ADAM22: variants seen among roughly 807,000 people sequenced by gnomAD.
ADAM22 encodes the protein ADAM metallopeptidase domain 22.
A neutral mutation model predicts 144.6 loss-of-function variants in ADAM22; 65 were observed. The ratio of observed to expected loss-of-function variants is 0.45; its 90% CI spans 0.37 to 0.55. The LOEUF is 0.55. ADAM22 is among the 20% of genes least tolerant of loss of function. The pLI is 0.00. For synonymous variants in ADAM22, 391 were observed against 412.6 expected, an observed-to-expected ratio of 0.95 and a Z score of 0.63; for missense variants, 974 against 1,184.9, an observed-to-expected ratio of 0.82 and a Z score of 2.61.
At chr7:88,007,303 C>A (rs965773637) in intron 3 of ADAM22, among the ~76,000 whole-genome samples, 1 of 152,020 alleles carries the variant, frequency 6.6e-6, no homozygotes, top group Non-Finnish European at 1.5e-5. Flanking sequence ...GAATCAATAT[C>A]GTGAAAATGG....
intron 4 of ADAM22, among the ~76,000 whole-genome samples, chr7:88,102,019 C>G (rs11767113): frequency 0.24 from 36,936 of 152,126 alleles, 5,668 homozygotes; most frequent in South Asian, 0.39. Context: ...GCAGGCATAC[C>G]TGGGTGTGGA....
chr7:87,957,321 T>G (rs1042751371), intron 2 of ADAM22, among the ~76,000 whole-genome samples: 28 of 152,334 alleles, frequency 1.8e-4, no homozygotes, highest in African/African-American at 6.5e-4. Flanking sequence ...CTTGTAAAAC[T>G]TTCTTCAGTT....
chr7:87,978,879 TCTGGTA>T (rs1379614610), intron 3 of ADAM22, among the ~76,000 whole-genome samples: 2 of 151,934 alleles, frequency 1.3e-5, no homozygotes, highest in Non-Finnish European at 2.9e-5. Flanking sequence ...CTGTGAGGTT[TCTGGTA>T]CTGGGATTAT....
intron 3 of ADAM22, among the ~76,000 whole-genome samples, chr7:87,982,872 G>T (rs922263963): frequency 6.6e-6 from 1 of 150,626 alleles, no homozygotes; most frequent in African/African-American, 2.4e-5. Flanking sequence ...TGTATTTTTA[G>T]TAGAGATGGA....
chr7:88,188,403 CT>C (rs1848835616), intron 30 of ADAM22, among the ~76,000 whole-genome samples: 1 of 152,124 alleles, frequency 6.6e-6, no homozygotes, highest in Non-Finnish European at 1.5e-5. Context: ...TTCAGCACCC[CT>C]GATTGCACGT....
intron 3 of ADAM22, among the ~76,000 whole-genome samples, chr7:87,979,414 T>C (rs1254692187): frequency 2.0e-5 from 3 of 152,186 alleles, no homozygotes. Context: ...TTTTAAATGC[T>C]CAATAACCCT....
At chr7:88,150,921 G>A in intron 18 of ADAM22, 60 bp from the exon 19 acceptor site, 1 of 1,368,018 alleles carries the variant, frequency 7.3e-7, no homozygotes, top group Non-Finnish European at 1.0e-6. Flanking sequence ...ACATTAAAGG[G>A]TTTAGCTCAG....
In ADAM22 at chr7:88,194,929, A is replaced by G. The variant is rs527504248; in HGVS notation, c.2875-1542A>G. On this transcript the variant is annotated intron_variant, in intron 31 of 31. Transcript: ENST00000413139. The stretch of plus-strand genomic sequence containing the variant: ...CTTTTCAATAAAAAGGGCATATAAA[A>G]TGACCTAAGGTAGATAGCATGGTGG... 1.1e-4 allele frequency among the ~76,000 whole-genome samples: 17 copies of G among 152,320 alleles called. No individual in the cohort carries two copies. The South Asian group carries it at 3.3e-3, about 30-fold the overall frequency.
chr7:88,036,809 A>G lies in ADAM22; in HGVS notation c.324-38817A>G, dbSNP rs867481987. On this transcript the variant is annotated intron_variant, in intron 3 of 31. Transcript: ENST00000413139. ...AATTTATAACAAAAACAGAAATAAA[A>G]AGAAAAAGAGAGCCTCCTCCTATGT... 4.6e-5 allele frequency among the ~76,000 whole-genome samples: 7 copies of G among 152,026 alleles called. No homozygotes were observed. In the South Asian group the frequency reaches 1.0e-3, roughly 22 times the overall value.
At position 88,143,214 on chromosome 7, in the gene ADAM22, G is replaced by A; in HGVS notation, c.1320+89G>A. On this transcript the variant is annotated intron_variant, in intron 15 of 31. Transcript: ENST00000413139. ...ACACATTTTCAGCTATTGAATCTTAGAGAGCTTTTCAACTTGCCCTGTATG... is the reference window on the plus strand; with the variant it reads ...ACACATTTTCAGCTATTGAATCTTAAAGAGCTTTTCAACTTGCCCTGTATG... 10 of 939,808 alleles carry A rather than the reference G, an allele frequency of 1.1e-5. No individual in the cohort carries two copies. The South Asian group carries it at 1.6e-4, about 15-fold the overall frequency. The allele number at this position is 939,808 out of a possible 1,614,324, so 58.2% of individuals were successfully genotyped here. A position where few individuals can be genotyped will look rare whatever the true frequency, so the allele number is the denominator to read the frequency against.
chr7:88,187,819 T>C (rs758882515), intron 30 of ADAM22, among the ~76,000 whole-genome samples: 9 of 152,174 alleles, frequency 5.9e-5, no homozygotes, highest in South Asian at 2.1e-4. Flanking sequence ...AGAAAATGAT[T>C]AGACCTACCT....
intron 3 of ADAM22, among the ~76,000 whole-genome samples, chr7:88,058,082 A>C (rs568918916): frequency 6.6e-6 from 1 of 152,234 alleles, no homozygotes; most frequent in Admixed American, 6.5e-5. Context: ...TAAACTAACA[A>C]GAATAAAACA....
chr7:88,023,745 T>C (rs1291104233), intron 3 of ADAM22, among the ~76,000 whole-genome samples: 1 of 152,186 alleles, frequency 6.6e-6, no homozygotes, highest in African/African-American at 2.4e-5. Context: ...TTATTGACTA[T>C]AGTAACCCTG....
rs1185641609 is a variant in ADAM22, at chr7:88,200,023, C to A, written c.*3532C>A. 2 of 152,202 alleles carry A rather than the reference C, an allele frequency of 1.3e-5. No individual in the cohort carries two copies. Among genetic ancestry groups the A allele is most frequent in the Admixed American group, 6.5e-5 (1 of 15,276 alleles). 9.4% of individuals were successfully genotyped at this position (152,202 alleles called of 1,614,324 possible). ...CATTTCTTTTCTATTGATTCCCTTG[C>A]ATATCTACATAATTTAATCCTGTCT... On this transcript the variant is annotated 3_prime_UTR_variant, in exon 32 of 32. Coordinates refer to ENST00000413139, the MANE Select transcript of ADAM22 (RefSeq NM_001324418.2).
At chr7:88,080,862 C>A (rs757754990) in intron 4 of ADAM22, among the ~76,000 whole-genome samples, 21 of 151,898 alleles carry the variant, frequency 1.4e-4, no homozygotes, top group Non-Finnish European at 2.5e-4. Context: ...GCTTACCAAC[C>A]AAAAAAAGTC....
intron 2 of ADAM22, chr7:87,964,690 G>A (rs746791091): frequency 4.2e-5 from 17 of 402,104 alleles, no homozygotes; most frequent in Non-Finnish European, 7.7e-5. Context: ...TACAGGTAAT[G>A]CAGTACCTAT....
intron 3 of ADAM22, among the ~76,000 whole-genome samples, chr7:88,056,468 T>G (rs1808287201): frequency 6.6e-6 from 1 of 152,208 alleles, no homozygotes. Flanking sequence ...AAAAACATAA[T>G]TTGAAATTTA....
chr7:87,966,011 C>T (rs541396157), intron 2 of ADAM22, among the ~76,000 whole-genome samples: 26 of 152,340 alleles, frequency 1.7e-4, no homozygotes, highest in African/African-American at 6.0e-4. Flanking sequence ...TATATACTCT[C>T]TTCACCATAA....
chr7:87,955,198 G>C (rs1261737973), intron 2 of ADAM22, among the ~76,000 whole-genome samples: 2 of 152,224 alleles, frequency 1.3e-5, no homozygotes, highest in Non-Finnish European at 2.9e-5. Context: ...TCCTTTGGAG[G>C]AGGAGAGGCA....
Sources: allele counts gnomAD v4.1 joint callset (sites outside exome capture counted in the v4.1 genomes callset), GRCh38; gene constraint gnomAD v4.1.1; transcripts MANE v1.5; gene names NCBI Gene and HGNC (gene_info 2026-07-23, HGNC 2026-07-21).